ARHGAP39: variants seen among roughly 807,000 people sequenced by gnomAD.
ARHGAP39 encodes the protein Rho GTPase activating protein 39.
Under a neutral mutation model 106.9 loss-of-function variants are expected in ARHGAP39, and 44 were observed. The observed-to-expected ratio is 0.41, with a 90% confidence interval of 0.32 to 0.53. The LOEUF is 0.53. ARHGAP39 is among the 20% of genes least tolerant of loss of function. The probability of loss-of-function intolerance (pLI) is 0.21; values close to 1 mark genes in which losing one functional copy is unlikely to be tolerated. For synonymous variants in ARHGAP39, 768 were observed against 693.2 expected (o/e 1.11, Z -1.69); for missense variants, 1,496 against 1,577.3 (o/e 0.95, Z 0.87).
intron 1 of ARHGAP39, among the ~76,000 whole-genome samples, chr8:144,685,103 C>T (rs1412710761): frequency 1.3e-5 from 2 of 152,020 alleles, no homozygotes; most frequent in Admixed American, 1.3e-4. Flanking sequence ...CCCTCACACC[C>T]CCCTCGGGCA....
At chr8:144,589,980 C>A (rs116585250) in intron 2 of ARHGAP39, among the ~76,000 whole-genome samples, 1 of 152,278 alleles carries the variant, frequency 6.6e-6, no homozygotes, top group Non-Finnish European at 1.5e-5. Flanking sequence ...GGGCCCACGA[C>A]GCCCTGACCC....
Position 144,547,445 on chromosome 8 carries a change from C to G in ARHGAP39, c.1641G>C (p.Arg547=), listed in dbSNP as rs781591036. The G allele has an allele frequency of 5.1e-6, 8 of 1,573,352 alleles. No individual in the cohort carries two copies. The African/African-American group carries it at 1.1e-4, about 21-fold the overall frequency. Residue 547 remains arginine, a synonymous_variant, in exon 5 of 12, where the codon CGG becomes CGC. Coordinates refer to ENST00000377307, the MANE Select transcript of ARHGAP39 (RefSeq NM_025251.3). The surrounding 1 kb of genome is among the most constrained non-coding windows in gnomAD (Gnocchi z 5.2). Reference sequence around the variant, plus strand: ...GCGCCAGGAAGGGCTCGGCCGCGCCCCGCGCCCCTTCGGCCTCACCTTCCG... The same window carrying G: ...GCGCCAGGAAGGGCTCGGCCGCGCCGCGCGCCCCTTCGGCCTCACCTTCCG... The part of the protein sequence containing the change: ...KRAEGEAEGA[R]GAAEPFLAQA...
rs953968308 is a variant in ARHGAP39 at position 144,610,979 on chromosome 8, G to A, written c.-81-5284C>T. ...TTACAGGCATATGCCACCACACCTG[G>A]CTAATTTTTTTGTATTTTTAGTAGA... On this transcript the variant is annotated intron_variant, in intron 1 of 11. Coordinates refer to ENST00000377307, the MANE Select transcript of ARHGAP39 (RefSeq NM_025251.3). 3.9e-5 allele frequency among the ~76,000 whole-genome samples: 6 copies of A among 151,916 alleles called. No homozygotes were observed. In the South Asian group the frequency reaches 1.2e-3, roughly 32 times the overall value.
At chr8:144,605,302 T>C (rs760312806) in intron 2 of ARHGAP39, among the ~76,000 whole-genome samples, 6 of 151,742 alleles carry the variant, frequency 4.0e-5, no homozygotes, top group Non-Finnish European at 8.8e-5. Context: ...AATCAAAAAT[T>C]AGAAAGAGAA....
chr8:144,561,090 A>G (rs1337729507), intron 3 of ARHGAP39, among the ~76,000 whole-genome samples: 2 of 151,160 alleles, frequency 1.3e-5, no homozygotes, highest in African/African-American at 4.8e-5. Context: ...GGAGTTGAGG[A>G]CAGTGAGAGC....
chr8:144,562,906 C>T (rs568907523), intron 3 of ARHGAP39, among the ~76,000 whole-genome samples: 2 of 152,388 alleles, frequency 1.3e-5, no homozygotes, highest in East Asian at 1.9e-4. Context: ...CCAGTGGTTT[C>T]CTTGGCTCTT....
chr8:144,547,129 G>T lies in ARHGAP39; in HGVS notation c.1957C>A (p.Gln653Lys). 1.3e-6 allele frequency: 2 copies of T among 1,592,800 alleles called. No homozygotes were observed. Among genetic ancestry groups the T allele is most frequent in the Non-Finnish European group, 1.7e-6 (2 of 1,169,326 alleles). ...ASPEPYLHPS[Q>K]SEDLAACAQF... is the part of the protein sequence containing the mutation. ...AGCCGCGCCCATTGGGCCCTCACCTGTGAGGGGTGGAGGTAGGGCTCTGGT... is the reference window on the plus strand; with the variant it reads ...AGCCGCGCCCATTGGGCCCTCACCTTTGAGGGGTGGAGGTAGGGCTCTGGT... Residue 653 changes from glutamine to lysine, a missense_variant and splice_region_variant, in exon 5 of 12, where the codon CAG becomes AAG. Transcript: ENST00000377307. This position sits in a 1 kb window ranked among gnomAD's most constrained non-coding sequence, Gnocchi z 5.2.
chr8:144,698,887 T>C, the ARHGAP39 span: 1 of 455,672 alleles, frequency 2.2e-6, no homozygotes, highest in Non-Finnish European at 4.4e-6. Context: ...CACCCCTCCC[T>C]TGGGGGGGTT....
At chr8:144,624,054 C>T (rs1453825139) in intron 1 of ARHGAP39, among the ~76,000 whole-genome samples, 2 of 152,186 alleles carry the variant, frequency 1.3e-5, no homozygotes, top group African/African-American at 4.8e-5. Context: ...ACAAGCAGGA[C>T]CCTCCACCCA....
chr8:144,663,610 C>T (rs1378316076), intron 1 of ARHGAP39, among the ~76,000 whole-genome samples: 1 of 152,158 alleles, frequency 6.6e-6, no homozygotes, highest in Non-Finnish European at 1.5e-5. Flanking sequence ...CTAGGCCTCA[C>T]GTGGCAGGAG....
chr8:144,636,696 G>A (rs1317459369), intron 1 of ARHGAP39, among the ~76,000 whole-genome samples: 2 of 152,310 alleles, frequency 1.3e-5, no homozygotes, highest in South Asian at 2.1e-4. Context: ...CATGTTTAAA[G>A]GACCAAGGTG....
At chr8:144,603,294 C>T (rs1243638724) in intron 2 of ARHGAP39, among the ~76,000 whole-genome samples, 1 of 150,932 alleles carries the variant, frequency 6.6e-6, no homozygotes, top group Non-Finnish European at 1.5e-5. Flanking sequence ...TGTGCGTGCT[C>T]GTGTATCTGT....
chr8:144,558,715 A>G (rs1302063962), intron 3 of ARHGAP39, among the ~76,000 whole-genome samples: 2 of 152,202 alleles, frequency 1.3e-5, no homozygotes, highest in Non-Finnish European at 2.9e-5. Context: ...GCTCCCTGCA[A>G]AAAGCCCCAT....
At chr8:144,656,349 A>C (rs1269801620) in intron 1 of ARHGAP39, among the ~76,000 whole-genome samples, 2 of 152,154 alleles carry the variant, frequency 1.3e-5, no homozygotes, top group Non-Finnish European at 2.9e-5. Context: ...AAAAATAAAA[A>C]ACAAATGTTT....
chr8:144,695,447 G>A, the ARHGAP39 span, among the ~76,000 whole-genome samples: 36 of 148,304 alleles, frequency 2.4e-4, no homozygotes, highest in Non-Finnish European at 4.2e-4. Context: ...CAAGGACACC[G>A]AGGCCCAGGG....
In ARHGAP39 at chr8:144,637,592, G is replaced by A. The variant is rs184652272; in HGVS notation, c.-81-31897C>T. On this transcript the variant is annotated intron_variant, in intron 1 of 11. Transcript: ENST00000377307. ...GCCACTGCACTTCAGCCTGGCAACA[G>A]AGCGAGACTCTGTCTCAAAAAACAA... 1.1e-4 allele frequency among the ~76,000 whole-genome samples: 16 copies of A among 152,312 alleles called. 1 individual carries two copies. In the East Asian group the frequency reaches 2.7e-3, roughly 26 times the overall value.
chr8:144,661,175 C>T (rs916337381), intron 1 of ARHGAP39, among the ~76,000 whole-genome samples: 1 of 152,136 alleles, frequency 6.6e-6, no homozygotes, highest in Admixed American at 6.5e-5. Flanking sequence ...ACTCCGGGAC[C>T]ACCATGGCCC....
At position 144,602,788 on chromosome 8, in the gene ARHGAP39, G is replaced by A. The variant is rs116706905; in HGVS notation, c.80+2747C>T. ...TACCTGTGTGTATGTGCATGGAGGC[G>A]TGTGTGTGCATGTGCATGGAGGCGT... On this transcript the variant is annotated intron_variant, in intron 2 of 11. Transcript: ENST00000377307. Among the ~76,000 whole-genome samples, 279 of 138,448 alleles carry A rather than the reference G, an allele frequency of 2.0e-3. 4 individuals carry two copies. The highest frequency in any genetic ancestry group is 7.4e-3 in the African/African-American group (263 of 35,588). The allele number at this position is 138,448 out of a possible 152,430, so 90.8% of individuals were successfully genotyped here.
At chr8:144,622,553 CAGCCTCAGGTGCG>C (rs969198699) in intron 1 of ARHGAP39, among the ~76,000 whole-genome samples, 22 of 152,256 alleles carry the variant, frequency 1.4e-4, no homozygotes, top group African/African-American at 5.3e-4. Flanking sequence ...AAAAACACTC[CAGCCTCAGGTGCG>C]AGCCCAGCCC....
Sources: allele counts gnomAD v4.1 joint callset (sites outside exome capture counted in the v4.1 genomes callset), GRCh38; gene constraint gnomAD v4.1.1; non-coding constraint Gnocchi (gnomAD v3.1); transcripts MANE v1.5; gene names NCBI Gene and HGNC (gene_info 2026-07-23, HGNC 2026-07-21).